Variants in EXT2 observed in about 807,000 individuals in gnomAD.
EXT2 encodes the protein exostosin glycosyltransferase 2.
Under a neutral mutation model 81.6 loss-of-function variants are expected in EXT2, and 53 were observed. That is an observed-to-expected ratio of 0.65 (90% CI 0.52 to 0.82). The LOEUF is 0.82. EXT2 is among the 40% of genes least tolerant of loss of function. The pLI is 0.00. For synonymous variants in EXT2, 320 were observed against 340.0 expected (o/e 0.94, Z 0.65); for missense variants, 774 against 910.2 (o/e 0.85, Z 1.93).
At position 44,124,944 on chromosome 11, in the gene EXT2, G is replaced by A. The variant is rs1954377834; in HGVS notation, c.899G>A (p.Cys300Tyr). The A allele has an allele frequency of 6.2e-7, 1 of 1,613,698 alleles. No individual in the cohort carries two copies. Among genetic ancestry groups the A allele is most frequent in the East Asian group, 2.2e-5 (1 of 44,888 alleles). Residue 300 changes from cysteine to tyrosine, a missense_variant, in exon 5 of 14, where the codon TGC becomes TAC. Coordinates refer to ENST00000533608, the MANE Select transcript of EXT2 (RefSeq NM_207122.2). ...SEGVLSVRKR[C>Y]HKHQVFDYPQ... ...GGTGTCCTTTCTGTCCGTAAGCGCT[G>A]CCACAAGCACCAGGTCTTCGATTAC...
At chr11:44,186,372 C>T (rs1955311434) in intron 8 of EXT2, among the ~76,000 whole-genome samples, 1 of 152,160 alleles carries the variant, frequency 6.6e-6, no homozygotes, top group Admixed American at 6.5e-5. Context: ...TTATGTTGAA[C>T]CATTTAAATG....
chr11:44,109,423 C>T (rs184719177), intron 3 of EXT2, 140 bp downstream of exon 3: 336 of 855,028 alleles, frequency 3.9e-4, no homozygotes, highest in Non-Finnish European at 6.0e-4. Context: ...TATTTTCCTC[C>T]TGAAGATTTA....
intron 10 of EXT2, among the ~76,000 whole-genome samples, chr11:44,215,867 T>C: frequency 1.6e-5 from 1 of 61,050 alleles, no homozygotes; most frequent in South Asian, 7.7e-4. Flanking sequence ...ATTTGGGAAT[T>C]TTTTTTTTTT....
chr11:44,227,664 C>A (rs749706376), intron 10 of EXT2, among the ~76,000 whole-genome samples: 1 of 152,080 alleles, frequency 6.6e-6, no homozygotes, highest in Non-Finnish European at 1.5e-5. Context: ...TAATGGGACA[C>A]GACAAAAGAC....
intron 6 of EXT2, among the ~76,000 whole-genome samples, chr11:44,128,296 C>G (rs903012151): frequency 1.3e-5 from 2 of 152,116 alleles, no homozygotes. Context: ...CACAGGGGAC[C>G]ATGGAAACCC....
chr11:44,177,016 C>T (rs1429288581), intron 8 of EXT2, among the ~76,000 whole-genome samples: 1 of 151,730 alleles, frequency 6.6e-6, no homozygotes. Context: ...CTTTGTCACT[C>T]TTATCTGTAA....
At chr11:44,240,606 A>G (rs946142775) in intron 13 of EXT2, among the ~76,000 whole-genome samples, 1 of 152,232 alleles carries the variant, frequency 6.6e-6, no homozygotes, top group African/African-American at 2.4e-5. Flanking sequence ...GTATGAAGCC[A>G]AAGGGTTATA....
intron 4 of EXT2, among the ~76,000 whole-genome samples, chr11:44,114,710 C>T (rs931226669): frequency 6.6e-6 from 1 of 152,180 alleles, no homozygotes; most frequent in Non-Finnish European, 1.5e-5. Flanking sequence ...TATGTGGTTT[C>T]CCTGCCTCTG....
intron 7 of EXT2, among the ~76,000 whole-genome samples, chr11:44,138,014 G>A (rs1565208545): frequency 6.6e-6 from 1 of 152,152 alleles, no homozygotes; most frequent in Non-Finnish European, 1.5e-5. Context: ...AGATCAGAGT[G>A]GATCAGAAGG....
At chr11:44,203,781 G>A (rs180932988) in intron 9 of EXT2, among the ~76,000 whole-genome samples, 2,471 of 146,994 alleles carry the variant, frequency 0.017, 189 homozygotes, top group Admixed American at 0.16. Flanking sequence ...AGTAAAAAAG[G>A]CATACCAGAA....
At chr11:44,098,343 T>A (rs1246403839) in intron 1 of EXT2, among the ~76,000 whole-genome samples, 1 of 152,104 alleles carries the variant, frequency 6.6e-6, no homozygotes, top group Non-Finnish European at 1.5e-5. Flanking sequence ...GCACTGTCAC[T>A]TCAGTCTAGG....
intron 1 of EXT2, among the ~76,000 whole-genome samples, chr11:44,098,837 C>T (rs558134154): frequency 3.2e-4 from 48 of 152,182 alleles, no homozygotes; most frequent in African/African-American, 1.1e-3. Flanking sequence ...GCCATTCCCC[C>T]TCCTCCTTTG....
chr11:44,125,656 G>A (rs1384595949), intron 5 of EXT2, among the ~76,000 whole-genome samples: 1 of 151,460 alleles, frequency 6.6e-6, no homozygotes, highest in East Asian at 1.9e-4. Flanking sequence ...TTAGCTCAAG[G>A]AGAAACACAA....
At chr11:44,147,969 A>G (rs1954743620) in intron 7 of EXT2, among the ~76,000 whole-genome samples, 1 of 152,092 alleles carries the variant, frequency 6.6e-6, no homozygotes, top group Non-Finnish European at 1.5e-5. Flanking sequence ...GGAGCAAGGC[A>G]CGTTGGAGTA....
At chr11:44,180,841 C>A (rs1843703422) in intron 8 of EXT2, among the ~76,000 whole-genome samples, 1 of 152,194 alleles carries the variant, frequency 6.6e-6, no homozygotes, top group Non-Finnish European at 1.5e-5. Context: ...GTGGCTCACA[C>A]CTGTAATCCC....
chr11:44,144,370 A>C lies in EXT2; in HGVS notation c.1173+14232A>C, dbSNP rs764376908. 1.2e-5 allele frequency: 19 copies of C among 1,556,694 alleles called. No homozygotes were observed. The African/African-American group carries it at 2.4e-4, about 20-fold the overall frequency. On this transcript the variant is annotated intron_variant, in intron 7 of 13. Transcript: ENST00000533608. The stretch of plus-strand genomic sequence containing the variant: ...GGTGACTTAGAAAACCGGGCCCAGC[A>C]GAAATGAATCTCTAGTCTCTTTGCT...
chr11:44,106,164 C>CTAGATTCA (rs1954051273), intron 1 of EXT2, among the ~76,000 whole-genome samples: 1 of 152,210 alleles, frequency 6.6e-6, no homozygotes, highest in Non-Finnish European at 1.5e-5. Context: ...TAAAGCTAGC[C>CTAGATTCA]TAGATTCATG....
intron 7 of EXT2, among the ~76,000 whole-genome samples, chr11:44,134,374 A>G (rs1342614299): frequency 6.6e-6 from 1 of 152,216 alleles, no homozygotes; most frequent in East Asian, 1.9e-4. Flanking sequence ...ATAAGCATAA[A>G]GAAAGTTGAG....
At chr11:44,188,532 G>A (rs977561077) in intron 8 of EXT2, among the ~76,000 whole-genome samples, 1 of 152,132 alleles carries the variant, frequency 6.6e-6, no homozygotes, top group African/African-American at 2.4e-5. Flanking sequence ...TGTATTGATA[G>A]GAACCAGCAG....
Sources: allele counts gnomAD v4.1 joint callset (sites outside exome capture counted in the v4.1 genomes callset), GRCh38; gene constraint gnomAD v4.1.1; transcripts MANE v1.5; gene names NCBI Gene and HGNC (gene_info 2026-07-23, HGNC 2026-07-21).